Variants in PPP4R3C observed in about 807,000 individuals in gnomAD.
PPP4R3C encodes protein phosphatase 4 regulatory subunit 3C.
For missense variants in PPP4R3C, 372 were observed against 237.3 expected (o/e 1.57, Z -3.73); for synonymous variants, 150 against 86.5 (o/e 1.73, Z -4.07).
Position 27,463,340 on chromosome X carries a change from C to T in PPP4R3C, c.-44G>A. The T allele has an allele frequency of 2.1e-6, 1 of 479,036 alleles. No homozygotes were observed. The highest frequency in any genetic ancestry group is 2.9e-5 in the South Asian group (1 of 34,335). The allele number at this position is 479,036 out of a possible 1,213,427, so 39.5% of individuals were successfully genotyped here. Reference sequence around the variant, plus strand: ...CCCGTCAGGTCTGTTCTCCACGGCACTGCTTCCGGTACAGCATGGAAGCCG... The same window carrying T: ...CCCGTCAGGTCTGTTCTCCACGGCATTGCTTCCGGTACAGCATGGAAGCCG... On this transcript the variant is annotated 5_prime_UTR_variant, in exon 1 of 1. In the 5' UTR this introduces an upstream ATG that the reference lacks. Coordinates refer to ENST00000412172, the MANE Select transcript of PPP4R3C (RefSeq NM_207319.4).
chrX:27,462,211 C>A lies in PPP4R3C; in HGVS notation c.1086G>T (p.Leu362Phe). Reference protein sequence around the residue: ...KDALFETLIQLGVLPALKIVM... With the variant: ...KDALFETLIQFGVLPALKIVM... ...CGATTTTAAGAGCAGGAAGAACTCC[C>A]AACTGTATCAACGTTTCAAATAGTG... The change falls in exon 1 of 1, where the codon TTG becomes TTT. Residue 362 changes from leucine to phenylalanine, a missense_variant. Leu to Phe is a conservative substitution (Grantham distance 22). Coordinates refer to ENST00000412172, the MANE Select transcript of PPP4R3C (RefSeq NM_207319.4). 1 of 514,519 alleles carries A rather than the reference C, an allele frequency of 1.9e-6. No individual in the cohort carries two copies. Among genetic ancestry groups the A allele is most frequent in the Middle Eastern group, 3.1e-4 (1 of 3,202 alleles). 42.4% of individuals were successfully genotyped at this position (514,519 alleles called of 1,213,427 possible).
rs2146837844 is a variant in PPP4R3C at position 27,460,639 on chromosome X, G to A, written c.*159C>T. The stretch of plus-strand genomic sequence containing the variant: ...TTACTGTTTTTTTTTAAGATTATGA[G>A]AAATTTTGTTTTTACAGAATTAAAC... On this transcript the variant is annotated 3_prime_UTR_variant, in exon 1 of 1. Transcript: ENST00000412172. The A allele has an allele frequency of 3.2e-6, 1 of 311,677 alleles. No individual in the cohort carries two copies. Among genetic ancestry groups the A allele is most frequent in the East Asian group, 4.8e-5 (1 of 21,047 alleles). 25.7% of individuals were successfully genotyped at this position (311,677 alleles called of 1,213,427 possible).
At position 27,463,135 on chromosome X, in the gene PPP4R3C, T is replaced by G. The variant is rs980674437; in HGVS notation, c.162A>C (p.Ser54=). 2.0e-5 allele frequency: 10 copies of G among 512,542 alleles called. No homozygotes were observed. The highest frequency in any genetic ancestry group is 5.3e-5 in the Admixed American group (2 of 37,509). The allele number at this position is 512,542 out of a possible 1,213,427, so 42.2% of individuals were successfully genotyped here. A position where few individuals can be genotyped will look rare whatever the true frequency, so the allele number is the denominator to read the frequency against. The change falls in exon 1 of 1, where the codon TCA becomes TCC. Residue 54 remains serine, a synonymous_variant. Coordinates refer to ENST00000412172, the MANE Select transcript of PPP4R3C (RefSeq NM_207319.4). ...CATAGGGCCTGTCTGGAGGTATCTG[T>G]GACCGCAGGATGACCGACCCATCTG... The part of the protein sequence containing the change: ...SDSDGSVILR[S]QIPPDRPYGK...
rs1470836140 is a variant in PPP4R3C, at chrX:27,462,134, G to C, written c.1163C>G (p.Ala388Gly). Reference protein sequence around the residue: ...QVRSAAAVICAYLVEYSPSRI... With the variant: ...QVRSAAAVICGYLVEYSPSRI... ...GGATGGACTGTACTCCACTAGATAA[G>C]CACATATAACTGCAGCAGCTGACCT... The change falls in exon 1 of 1, where the codon GCT (alanine) becomes GGT (glycine). Residue 388 changes from alanine (A) to glycine (G), a missense_variant. Coordinates refer to ENST00000412172, the MANE Select transcript of PPP4R3C (RefSeq NM_207319.4). 1.9e-6 allele frequency: 1 copy of C among 514,762 alleles called. No individual in the cohort carries two copies. Among genetic ancestry groups the C allele is most frequent in the Non-Finnish European group, 3.5e-6 (1 of 286,926 alleles). 42.4% of individuals were successfully genotyped at this position (514,762 alleles called of 1,213,427 possible). A position where few individuals can be genotyped will look rare whatever the true frequency, so the allele number is the denominator to read the frequency against.
In PPP4R3C at chrX:27,460,318, G is replaced by T; in HGVS notation, c.*480C>A. 8.9e-6 allele frequency: 1 copy of T among 112,405 alleles called. No individual in the cohort carries two copies. Among genetic ancestry groups the T allele is most frequent in the Non-Finnish European group, 1.9e-5 (1 of 53,456 alleles). The allele number at this position is 112,405 out of a possible 1,213,427, so 9.3% of individuals were successfully genotyped here. ...ATATCTTTATAGAAATGTCTGAAGA[G>T]ACTAACATTTTTTATAGTTAACTTT... is the stretch of plus-strand genomic sequence containing the variant. On this transcript the variant is annotated 3_prime_UTR_variant, in exon 1 of 1. Coordinates refer to ENST00000412172, the MANE Select transcript of PPP4R3C (RefSeq NM_207319.4).
Position 27,461,266 on chromosome X carries a change from A to C in PPP4R3C, c.2031T>G (p.Ile677Met). The change falls in exon 1 of 1, where the codon ATT (isoleucine) becomes ATG (methionine). Residue 677 changes from isoleucine to methionine, a missense_variant. Physicochemically the swap from Ile to Met is conservative, Grantham distance 10. Transcript: ENST00000412172. The part of the protein sequence containing the change: ...IVVFRGTIEE[I>M]GLEEEICFME... ...TAAAACATATTTCTTCTTCCAGCCC[A>C]ATTTCTTCTATGGTACCTCTGAAAA... The C allele has an allele frequency of 1.9e-6, 1 of 514,893 alleles. No individual in the cohort carries two copies. Among genetic ancestry groups the C allele is most frequent in the Non-Finnish European group, 3.5e-6 (1 of 286,878 alleles). The allele number at this position is 514,893 out of a possible 1,213,427, so 42.4% of individuals were successfully genotyped here.
chrX:27,460,522 C>G lies in PPP4R3C; in HGVS notation c.*276G>C. 2.6e-5 allele frequency: 6 copies of G among 227,868 alleles called. No homozygotes were observed. Among genetic ancestry groups the G allele is most frequent in the Non-Finnish European group, 3.9e-5 (5 of 128,992 alleles). 18.8% of individuals were successfully genotyped at this position (227,868 alleles called of 1,213,427 possible). On this transcript the variant is annotated 3_prime_UTR_variant, in exon 1 of 1. Transcript: ENST00000412172. The stretch of plus-strand genomic sequence containing the variant: ...CGACCTGGTTCTTCCCCATTCCAAA[C>G]TAAGACTTTCCTTCCCAAAGATGGT...
chrX:27,460,466 T>C lies in PPP4R3C; in HGVS notation c.*332A>G, dbSNP rs1922934076. 7.1e-6 allele frequency: 1 copy of C among 141,602 alleles called. No homozygotes were observed. Among genetic ancestry groups the C allele is most frequent in the Admixed American group, 8.3e-5 (1 of 12,037 alleles). The allele number at this position is 141,602 out of a possible 1,213,427, so 11.7% of individuals were successfully genotyped here. A position where few individuals can be genotyped will look rare whatever the true frequency, so the allele number is the denominator to read the frequency against. ...CTGAACTGTTATTATTTCTAATATA[T>C]ACCTCTAGAACAAAACTACATTAAC... is the stretch of plus-strand genomic sequence containing the variant. On this transcript the variant is annotated 3_prime_UTR_variant, in exon 1 of 1. Coordinates refer to ENST00000412172, the MANE Select transcript of PPP4R3C (RefSeq NM_207319.4).
rs1005602641 is a variant in PPP4R3C, at chrX:27,461,700, T to C, written c.1597A>G (p.Ile533Val). The C allele has an allele frequency of 1.9e-6, 1 of 515,300 alleles. No homozygotes were observed. The highest frequency in any genetic ancestry group is 2.6e-5 in the Admixed American group (1 of 37,910). 42.5% of individuals were successfully genotyped at this position (515,300 alleles called of 1,213,427 possible). The part of the protein sequence containing the change: ...QHHTFYIRSY[I>V]LNKDLLRKAL... ...TTTCTTAGCAAGTCTTTGTTCAAGA[T>C]ATAGCTTCTTATGTAGAATGTATGA... The change falls in exon 1 of 1, where the codon ATC becomes GTC. Residue 533 changes from isoleucine to valine, a missense_variant. Ile to Val is a conservative substitution (Grantham distance 29). Coordinates refer to ENST00000412172, the MANE Select transcript of PPP4R3C (RefSeq NM_207319.4).
chrX:27,460,679 A>G lies in PPP4R3C; in HGVS notation c.*119T>C, dbSNP rs1230578871. On this transcript the variant is annotated 3_prime_UTR_variant, in exon 1 of 1. Transcript: ENST00000412172. ...CAGAATTAAACCCTCTTAACTCGTTATATCTGTGATTTATCATTATAAGTT... is the reference window on the plus strand; with the variant it reads ...CAGAATTAAACCCTCTTAACTCGTTGTATCTGTGATTTATCATTATAAGTT... The G allele has an allele frequency of 5.0e-6, 2 of 397,605 alleles. No homozygotes were observed. Among genetic ancestry groups the G allele is most frequent in the Non-Finnish European group, 4.3e-6 (1 of 232,531 alleles). 32.8% of individuals were successfully genotyped at this position (397,605 alleles called of 1,213,427 possible). A position where few individuals can be genotyped will look rare whatever the true frequency, so the allele number is the denominator to read the frequency against.
chrX:27,461,805 T>C lies in PPP4R3C; in HGVS notation c.1492A>G (p.Ser498Gly), dbSNP rs1922971216. Reference protein sequence around the residue: ...EEDDIAGYDKSKNCPNDNQTA... With the variant: ...EEDDIAGYDKGKNCPNDNQTA... ...TGATTATCATTGGGGCAATTTTTGC[T>C]TTTGTCATATCCAGCTATATCATCC... is the stretch of plus-strand genomic sequence containing the variant. Residue 498 changes from serine (S) to glycine (G), a missense_variant, in exon 1 of 1, where the codon AGC (serine) becomes GGC (glycine). Coordinates refer to ENST00000412172, the MANE Select transcript of PPP4R3C (RefSeq NM_207319.4). 3 of 513,965 alleles carry C rather than the reference T, an allele frequency of 5.8e-6. No individual in the cohort carries two copies. The highest frequency in any genetic ancestry group is 2.7e-5 in the Admixed American group (1 of 37,687). The allele number at this position is 513,965 out of a possible 1,213,427, so 42.4% of individuals were successfully genotyped here. A position where few individuals can be genotyped will look rare whatever the true frequency, so the allele number is the denominator to read the frequency against.
chrX:27,460,594 G>T lies in PPP4R3C; in HGVS notation c.*204C>A. 1 of 300,100 alleles carries T rather than the reference G, an allele frequency of 3.3e-6. No individual in the cohort carries two copies. The allele number at this position is 300,100 out of a possible 1,213,427, so 24.7% of individuals were successfully genotyped here. A position where few individuals can be genotyped will look rare whatever the true frequency, so the allele number is the denominator to read the frequency against. On this transcript the variant is annotated 3_prime_UTR_variant, in exon 1 of 1. Transcript: ENST00000412172. ...CAAATTAAGACTTTCTTGCTAAAAA[G>T]TTTATCACCCAGGTTCTGGTTACTG...
chrX:27,461,012 T>C lies in PPP4R3C; in HGVS notation c.2285A>G (p.Asp762Gly), dbSNP rs1409836620. 7.8e-6 allele frequency: 4 copies of C among 512,290 alleles called. No homozygotes were observed. In the Admixed American group the frequency reaches 8.0e-5, roughly 10 times the overall value. 42.2% of individuals were successfully genotyped at this position (512,290 alleles called of 1,213,427 possible). Residue 762 changes from aspartate to glycine, a missense_variant, in exon 1 of 1, where the codon GAC becomes GGC. Coordinates refer to ENST00000412172, the MANE Select transcript of PPP4R3C (RefSeq NM_207319.4). The part of the protein sequence containing the change: ...KRNQEHEGKV[D>G]SPKRTSSGDF... ...ACCAGAAGATGTTCTTTTGGGAGAGTCTACCTTGCCTTCATGTTCTTGGTT... is the reference window on the plus strand; with the variant it reads ...ACCAGAAGATGTTCTTTTGGGAGAGCCTACCTTGCCTTCATGTTCTTGGTT...
rs1268458488 is a variant in PPP4R3C, at chrX:27,463,160, G to A, written c.137C>T (p.Ser46Leu). The change falls in exon 1 of 1, where the codon TCA (serine) becomes TTA (leucine). Residue 46 changes from serine (S) to leucine (L), a missense_variant. Coordinates refer to ENST00000412172, the MANE Select transcript of PPP4R3C (RefSeq NM_207319.4). ...QGMSLLVRSD[S>L]DGSVILRSQI... The stretch of plus-strand genomic sequence containing the variant: ...TGACCGCAGGATGACCGACCCATCT[G>A]AATCTGACCGAACAAGCAGCGACAT... 1 of 512,537 alleles carries A rather than the reference G, an allele frequency of 2.0e-6. No homozygotes were observed. Among genetic ancestry groups the A allele is most frequent in the Non-Finnish European group, 3.5e-6 (1 of 286,630 alleles). 42.2% of individuals were successfully genotyped at this position (512,537 alleles called of 1,213,427 possible). A position where few individuals can be genotyped will look rare whatever the true frequency, so the allele number is the denominator to read the frequency against.
Position 27,462,316 on chromosome X carries a change from A to G in PPP4R3C, c.981T>C (p.Asp327=), listed in dbSNP as rs1273706713. 4 of 513,929 alleles carry G rather than the reference A, an allele frequency of 7.8e-6. No individual in the cohort carries two copies. Among genetic ancestry groups the G allele is most frequent in the South Asian group, 4.9e-5 (2 of 40,544 alleles). 42.4% of individuals were successfully genotyped at this position (513,929 alleles called of 1,213,427 possible). The part of the protein sequence containing the change: ...FAQLKDETTH[D]DRRCELLFFF... ...AAAATAGCAATTCACACCGTCTATCATCATGTGTAGTCTCATCCTTTAACT... is the reference window on the plus strand; with the variant it reads ...AAAATAGCAATTCACACCGTCTATCGTCATGTGTAGTCTCATCCTTTAACT... Residue 327 remains aspartate, a synonymous_variant, in exon 1 of 1, where the codon GAT becomes GAC. Transcript: ENST00000412172.
Position 27,461,259 on chromosome X carries a change from C to T in PPP4R3C, c.2038G>A (p.Glu680Lys), listed in dbSNP as rs1482033023. ...TCTTCCATAAAACATATTTCTTCTT[C>T]CAGCCCAATTTCTTCTATGGTACCT... ...FRGTIEEIGL[E>K]EEICFMEDAG... Residue 680 changes from glutamate (E) to lysine (K), a missense_variant, in exon 1 of 1, where the codon GAA becomes AAA. Coordinates refer to ENST00000412172, the MANE Select transcript of PPP4R3C (RefSeq NM_207319.4). The T allele has an allele frequency of 7.8e-6, 4 of 513,575 alleles. No homozygotes were observed. Among genetic ancestry groups the T allele is most frequent in the African/African-American group, 6.9e-5 (3 of 43,269 alleles). The allele number at this position is 513,575 out of a possible 1,213,427, so 42.3% of individuals were successfully genotyped here. A position where few individuals can be genotyped will look rare whatever the true frequency, so the allele number is the denominator to read the frequency against.
Position 27,462,740 on chromosome X carries a change from T to C in PPP4R3C, c.557A>G (p.Glu186Gly). The C allele has an allele frequency of 5.8e-6, 3 of 518,296 alleles. No homozygotes were observed. Among genetic ancestry groups the C allele is most frequent in the Non-Finnish European group, 1.0e-5 (3 of 288,272 alleles). 42.7% of individuals were successfully genotyped at this position (518,296 alleles called of 1,213,427 possible). A position where few individuals can be genotyped will look rare whatever the true frequency, so the allele number is the denominator to read the frequency against. Residue 186 changes from glutamate to glycine, a missense_variant, in exon 1 of 1, where the codon GAG (glutamate) becomes GGG (glycine). Physicochemically the swap from Glu to Gly is moderately conservative, Grantham distance 98. Transcript: ENST00000412172. ...LQLFHTCENL[E>G]NTEGLHHLYE... Reference sequence around the variant, plus strand: ...CAAATGGTGTAAACCTTCAGTATTCTCTAGATTTTCACAAGTGTGGAACAG... The same window carrying C: ...CAAATGGTGTAAACCTTCAGTATTCCCTAGATTTTCACAAGTGTGGAACAG...
At position 27,461,829 on chromosome X, in the gene PPP4R3C, C is replaced by A. The variant is rs1365730718; in HGVS notation, c.1468G>T (p.Asp490Tyr). 3 of 515,333 alleles carry A rather than the reference C, an allele frequency of 5.8e-6. No homozygotes were observed. Among genetic ancestry groups the A allele is most frequent in the Non-Finnish European group, 1.0e-5 (3 of 287,068 alleles). 42.5% of individuals were successfully genotyped at this position (515,333 alleles called of 1,213,427 possible). A position where few individuals can be genotyped will look rare whatever the true frequency, so the allele number is the denominator to read the frequency against. ...AATSEHNCEEDDIAGYDKSKN... is the reference protein window; with the variant it reads ...AATSEHNCEEYDIAGYDKSKN... ...CTTTTGTCATATCCAGCTATATCAT[C>A]CTCCTCACAGTTGTGTTCTGAGGTG... The change falls in exon 1 of 1, where the codon GAT becomes TAT. Residue 490 changes from aspartate (D) to tyrosine (Y), a missense_variant. Asp to Tyr is a radical substitution (Grantham distance 160). Transcript: ENST00000412172.
chrX:27,462,816 T>G lies in PPP4R3C; in HGVS notation c.481A>C (p.Arg161=), dbSNP rs763475699. Residue 161 remains arginine (R), a synonymous_variant, in exon 1 of 1, where the codon AGA becomes CGA. Coordinates refer to ENST00000412172, the MANE Select transcript of PPP4R3C (RefSeq NM_207319.4). ...TCATTTTTCAAGATCTCAGCCAGTC[T>G]TTCCCTATCCGTAACAGGTGACGAG... ...VFSSPVTDRE[R]LAEILKNEAY... is the part of the protein sequence containing the mutation. The G allele has an allele frequency of 8.6e-5, 44 of 514,111 alleles. No individual in the cohort carries two copies. The highest frequency in any genetic ancestry group is 1.4e-4 in the Non-Finnish European group (39 of 286,960). 42.4% of individuals were successfully genotyped at this position (514,111 alleles called of 1,213,427 possible).
Sources: allele counts gnomAD v4.1 joint callset, GRCh38; gene constraint gnomAD v4.1.1; transcripts MANE v1.5; gene names NCBI Gene and HGNC (gene_info 2026-07-23, HGNC 2026-07-21).